PTPDC1: variants seen among roughly 807,000 people sequenced by gnomAD.
PTPDC1 encodes protein tyrosine phosphatase domain-containing protein 1.
PTPDC1 carries 53 observed loss-of-function variants against 75.3 expected under a neutral mutation model. The observed-to-expected ratio is 0.70, with a 90% CI of 0.56 to 0.88. The LOEUF is 0.88. PTPDC1 is among the 40% of genes least tolerant of loss of function. The probability of loss-of-function intolerance (pLI) is 0.00; values close to 1 mark genes in which losing one functional copy is unlikely to be tolerated. For missense variants in PTPDC1, 925 were observed against 998.6 expected, an observed-to-expected ratio of 0.93 and a Z score of 0.99; for synonymous variants, 349 against 366.2, an observed-to-expected ratio of 0.95 and a Z score of 0.54.
chr9:94,066,579 A>G (rs1327890851), intron 2 of PTPDC1, among the ~76,000 whole-genome samples: 1 of 152,036 alleles, frequency 6.6e-6, no homozygotes, highest in African/African-American at 2.4e-5. Flanking sequence ...ATTTTTTGAG[A>G]TGGCGTCTCA....
chr9:94,083,346 T>G (rs1307736521), upstream of PTPDC1, among the ~76,000 whole-genome samples: 1 of 152,126 alleles, frequency 6.6e-6, no homozygotes, highest in Non-Finnish European at 1.5e-5. Flanking sequence ...AGTAGGAATT[T>G]GGACACCAAA....
chr9:94,099,855 G>A (rs1011466801), intron 6 of PTPDC1, among the ~76,000 whole-genome samples: 6 of 152,206 alleles, frequency 3.9e-5, no homozygotes, highest in Admixed American at 6.5e-5. Flanking sequence ...GGGCCAGACC[G>A]TATGTAGTGT....
intron 1 of PTPDC1, among the ~76,000 whole-genome samples, chr9:94,059,589 C>T (rs1177897955): frequency 6.6e-6 from 1 of 152,094 alleles, no homozygotes; most frequent in Non-Finnish European, 1.5e-5. Context: ...GCAGTTTCCT[C>T]ATCTTTAAAT....
intron 1 of PTPDC1, among the ~76,000 whole-genome samples, chr9:94,060,317 A>G (rs1826087520): frequency 6.6e-6 from 1 of 152,224 alleles, no homozygotes; most frequent in South Asian, 2.1e-4. Context: ...GTTTAGACAA[A>G]GATATTGTGG....
chr9:94,076,699 A>G (rs1300925350), intron 2 of PTPDC1, among the ~76,000 whole-genome samples: 2 of 152,180 alleles, frequency 1.3e-5, no homozygotes, highest in South Asian at 2.1e-4. Context: ...GTATTTACCT[A>G]GGAGGAAAGA....
At chr9:94,069,436 TA>T (rs1345601517) in intron 2 of PTPDC1, among the ~76,000 whole-genome samples, 5 of 152,160 alleles carry the variant, frequency 3.3e-5, no homozygotes, top group Admixed American at 2.6e-4. Flanking sequence ...CCAGCTCAGT[TA>T]AAACCTCAAG....
chr9:94,079,755 C>T (rs1389806050), upstream of PTPDC1, among the ~76,000 whole-genome samples: 1 of 152,246 alleles, frequency 6.6e-6, no homozygotes, highest in Non-Finnish European at 1.5e-5. Flanking sequence ...CTGAAGTCTA[C>T]TAGCCATGTC....
At chr9:94,049,087 C>T (rs1001903316) in intron 1 of PTPDC1, among the ~76,000 whole-genome samples, 5 of 152,058 alleles carry the variant, frequency 3.3e-5, no homozygotes, top group Non-Finnish European at 7.4e-5. Context: ...TTATTTTGAG[C>T]CTATGTGTGT....
At chr9:94,037,892 G>A (rs188612055) in intron 1 of PTPDC1, 74 of 196,076 alleles carry the variant, frequency 3.8e-4, no homozygotes, top group African/African-American at 1.2e-3. Flanking sequence ...AAAGTTCTAC[G>A]GCTAATCATT....
chr9:94,034,561 CAG>C (rs2118375854), intron 1 of PTPDC1, among the ~76,000 whole-genome samples: 1 of 152,082 alleles, frequency 6.6e-6, no homozygotes, highest in South Asian at 2.1e-4. Context: ...GAAAAGAAAA[CAG>C]AGATTTAAGG....
intron 1 of PTPDC1, among the ~76,000 whole-genome samples, chr9:94,045,020 T>C (rs1338698441): frequency 8.5e-6 from 1 of 117,302 alleles, no homozygotes; most frequent in South Asian, 3.2e-4. Flanking sequence ...CAGTTCTCGG[T>C]GTGTGATGTT....
At chr9:94,036,747 G>A (rs1825281506) in intron 1 of PTPDC1, among the ~76,000 whole-genome samples, 1 of 152,194 alleles carries the variant, frequency 6.6e-6, no homozygotes, top group African/African-American at 2.4e-5. Context: ...ACAGCAGAGG[G>A]AGTTGGCTAC....
At chr9:94,094,933 G>A (rs533524070) in intron 4 of PTPDC1, among the ~76,000 whole-genome samples, 36 of 152,344 alleles carry the variant, frequency 2.4e-4, no homozygotes, top group African/African-American at 7.9e-4. Flanking sequence ...GCCCTGCTTC[G>A]GCTGAGGCAC....
chr9:94,043,878 T>G lies in PTPDC1; in HGVS notation c.-7+12751T>G, dbSNP rs560829114. Among the ~76,000 whole-genome samples the G allele has an allele frequency of 6.6e-5, 10 of 152,360 alleles. No homozygotes were observed. The South Asian group carries it at 2.1e-3, about 32-fold the overall frequency. On this transcript the variant is annotated intron_variant, in intron 1 of 9. Coordinates refer to the PTPDC1 transcript ENST00000375360. ...TGAGTGAGGTTGAATTCACTTCATA[T>G]AAACATCCAGATGTCTTGCATCATT...
chr9:94,090,990 A>G (rs1024859318), intron 4 of PTPDC1, among the ~76,000 whole-genome samples: 4 of 152,138 alleles, frequency 2.6e-5, no homozygotes, highest in Admixed American at 6.5e-5. Context: ...GCTTGAGACA[A>G]TGGGGTTTTC....
rs113131741 is a variant in PTPDC1 at position 94,039,513 on chromosome 9, C to T, written c.-7+8386C>T. 2.4e-3 allele frequency among the ~76,000 whole-genome samples: 359 copies of T among 152,166 alleles called. 2 individuals are homozygous for T. Among genetic ancestry groups the T allele is most frequent in the African/African-American group, 8.2e-3 (342 of 41,522 alleles). The stretch of plus-strand genomic sequence containing the variant: ...AAATGTAGAAAATACCAATAAGGGT[C>T]GGGTGCTGTGGCTCACACCTGTAAT... On this transcript the variant is annotated intron_variant, in intron 1 of 9. Transcript: ENST00000375360.
At chr9:94,098,659 CTTATTTA>C in intron 6 of PTPDC1, 80 bp downstream of exon 6, 1 of 1,193,474 alleles carries the variant, frequency 8.4e-7, no homozygotes, top group Non-Finnish European at 1.2e-6. Flanking sequence ...TTTTCCCAAA[CTTATTTA>C]TTATAGAAAT....
intron 2 of PTPDC1, among the ~76,000 whole-genome samples, chr9:94,077,265 C>A (rs1826728005): frequency 6.6e-6 from 1 of 152,130 alleles, no homozygotes; most frequent in Non-Finnish European, 1.5e-5. Flanking sequence ...TTCCACACAC[C>A]AAACAAGCAA....
Position 94,098,398 on chromosome 9 carries a change from C to T in PTPDC1, c.1832C>T (p.Ala611Val), listed in dbSNP as rs772164938. The T allele has an allele frequency of 1.5e-5, 24 of 1,614,084 alleles. No homozygotes were observed. In the Admixed American group the frequency reaches 4.0e-4, roughly 27 times the overall value. ...SPLDCGSSPK[A>V]QFLVEHETQD... ...CTGGACTGTGGCTCCAGTCCCAAAG[C>T]ACAGTTCTTGGTTGAACATGAAACC... The change falls in exon 6 of 9, where the codon GCA (alanine) becomes GTA (valine). Residue 611 changes from alanine (A) to valine (V), a missense_variant. Coordinates refer to ENST00000620992, the MANE Select transcript of PTPDC1 (RefSeq NM_001253829.2).
Sources: gnomAD v4.1 joint callset for allele counts (sites outside exome capture counted in the v4.1 genomes callset) on GRCh38, gnomAD v4.1.1 for gene constraint, MANE v1.5 for transcripts, NCBI Gene and HGNC (gene_info 2026-07-23, HGNC 2026-07-21) for gene names.